Variants in RYR3 observed in about 807,000 individuals in gnomAD.
RYR3 encodes ryanodine receptor 3, also known as brain ryanodine receptor-calcium release channel.
Under a neutral mutation model 584.3 loss-of-function variants are expected in RYR3, and 207 were observed. The observed-to-expected ratio is 0.35, with a 90% confidence interval of 0.32 to 0.40. RYR3 has a LOEUF of 0.40. Ranked by LOEUF, RYR3 falls within the 10% of genes least tolerant of loss-of-function variation. The probability of loss-of-function intolerance (pLI) is 1.00; values close to 1 mark genes in which losing one functional copy is unlikely to be tolerated. For missense variants in RYR3, 5,616 were observed against 6,089.2 expected (o/e 0.92, Z 2.59); for synonymous variants, 2,416 against 2,248.5 (o/e 1.07, Z -2.11).
At chr15:33,565,188 A>G (rs2057641538) in intron 11 of RYR3, among the ~76,000 whole-genome samples, 1 of 152,190 alleles carries the variant, frequency 6.6e-6, no homozygotes, top group Non-Finnish European at 1.5e-5. Flanking sequence ...GCCAGTTTTA[A>G]ATGTGTTATC....
At chr15:33,825,936 G>A (rs545557232) in intron 82 of RYR3, 1 of 494,944 alleles carries the variant, frequency 2.0e-6, no homozygotes, top group East Asian at 3.7e-5. Flanking sequence ...ATTTCATCAT[G>A]TTGGCCAGGC....
intron 65 of RYR3, among the ~76,000 whole-genome samples, 184 bp downstream of exon 65, chr15:33,780,525 T>C (rs1384631524): frequency 6.6e-6 from 1 of 152,174 alleles, no homozygotes; most frequent in Admixed American, 6.5e-5. Context: ...GGGCAAGGCT[T>C]TGTTATAATT....
chr15:33,721,914 T>C (rs2067956624), intron 43 of RYR3, among the ~76,000 whole-genome samples: 1 of 152,218 alleles, frequency 6.6e-6, no homozygotes, highest in African/African-American at 2.4e-5. Flanking sequence ...TCATTATCTA[T>C]GGTTCATCCA....
intron 69 of RYR3, among the ~76,000 whole-genome samples, chr15:33,805,714 T>A (rs2076166357): frequency 6.6e-6 from 1 of 151,782 alleles, no homozygotes; most frequent in Non-Finnish European, 1.5e-5. Context: ...CCTGACGTCA[T>A]GATCCGCCCG....
intron 1 of RYR3, among the ~76,000 whole-genome samples, chr15:33,445,997 A>G (rs1470975429): frequency 2.2e-4 from 34 of 152,190 alleles, no homozygotes; most frequent in Admixed American, 2.2e-3. Flanking sequence ...ATGAACTCTC[A>G]GGAGTGGCTT....
intron 1 of RYR3, among the ~76,000 whole-genome samples, chr15:33,451,659 A>G (rs2047142738): frequency 1.3e-5 from 2 of 152,250 alleles, no homozygotes; most frequent in Non-Finnish European, 2.9e-5. Flanking sequence ...AGTCCAGTGC[A>G]GACAGGAGTC....
chr15:33,774,896 T>C (rs2073885831), intron 64 of RYR3, among the ~76,000 whole-genome samples: 1 of 152,200 alleles, frequency 6.6e-6, no homozygotes, highest in Non-Finnish European at 1.5e-5. Context: ...TTAGTTTATT[T>C]CTCCCACTGA....
chr15:33,865,081 A>T, intron 103 of RYR3, 50 bp from the exon 104 acceptor site: 1 of 1,465,212 alleles, frequency 6.8e-7, no homozygotes, highest in Non-Finnish European at 9.5e-7. Context: ...ACTGGGTTTT[A>T]GCTTTTACTG....
At chr15:33,863,594 C>T (rs570567938) in intron 102 of RYR3, among the ~76,000 whole-genome samples, 2 of 152,298 alleles carry the variant, frequency 1.3e-5, no homozygotes, top group African/African-American at 4.8e-5. Context: ...AAACTCAAAC[C>T]TAAGATATGG....
At chr15:33,857,941 GCCCA>G (rs1567344136) in intron 99 of RYR3, 27 bp downstream of exon 99, 1 of 1,439,808 alleles carries the variant, frequency 6.9e-7, no homozygotes. Context: ...TGCGGGGCCA[GCCCA>G]CCCACTGCGG....
intron 1 of RYR3, among the ~76,000 whole-genome samples, chr15:33,423,365 A>T (rs2044371809): frequency 6.6e-6 from 1 of 152,236 alleles, no homozygotes; most frequent in Non-Finnish European, 1.5e-5. Flanking sequence ...ATAAAATTCA[A>T]TTGTATGTAT....
At chr15:33,611,299 G>A (rs2060173052) in intron 18 of RYR3, among the ~76,000 whole-genome samples, 1 of 152,090 alleles carries the variant, frequency 6.6e-6, no homozygotes, top group South Asian at 2.1e-4. Flanking sequence ...GCTCACGCCT[G>A]TAATCCTAGC....
intron 18 of RYR3, among the ~76,000 whole-genome samples, chr15:33,611,654 T>C (rs917146400): frequency 5.9e-5 from 9 of 152,102 alleles, no homozygotes; most frequent in African/African-American, 1.9e-4. Context: ...TATGGAGTTA[T>C]ATTTTTTCTT....
chr15:33,639,460 C>G (rs1257149998), intron 27 of RYR3, among the ~76,000 whole-genome samples: 1 of 152,206 alleles, frequency 6.6e-6, no homozygotes, highest in Non-Finnish European at 1.5e-5. Context: ...TCTCTCTTCT[C>G]TCTGTGTCAA....
chr15:33,475,276 G>A (rs550692338), intron 2 of RYR3, among the ~76,000 whole-genome samples: 2 of 152,274 alleles, frequency 1.3e-5, no homozygotes, highest in African/African-American at 4.8e-5. Flanking sequence ...TCCTTTTCTA[G>A]TCATCCATCG....
chr15:33,848,278 C>T lies in RYR3; in HGVS notation c.13498-13C>T, dbSNP rs41279232. The stretch of plus-strand genomic sequence containing the variant: ...AAGCCTGCTCTGAGTAACCATCCTC[C>T]TCCCACTCCTAGGTGCCTTTGGTGG... On this transcript the variant is annotated splice_polypyrimidine_tract_variant and intron_variant, in intron 93 of 103. Transcript: ENST00000634891. The T allele has an allele frequency of 0.037, 60,056 of 1,613,020 alleles. 1,479 individuals carry two copies. Among genetic ancestry groups the T allele is most frequent in the Non-Finnish European group, 0.039 (46,329 of 1,179,730 alleles).
At chr15:33,731,897 G>C (rs1384638600) in intron 48 of RYR3, among the ~76,000 whole-genome samples, 1 of 152,140 alleles carries the variant, frequency 6.6e-6, no homozygotes, top group South Asian at 2.1e-4. Flanking sequence ...TTTCCCTTTG[G>C]GGGAAGGGAG....
intron 2 of RYR3, among the ~76,000 whole-genome samples, chr15:33,488,492 G>A (rs1041765919): frequency 6.8e-6 from 1 of 147,100 alleles, no homozygotes; most frequent in African/African-American, 2.5e-5. Flanking sequence ...TCTTTTCTAG[G>A]TGTTGTTTTT....
intron 1 of RYR3, among the ~76,000 whole-genome samples, chr15:33,445,955 ATGT>A (rs1321370290): frequency 2.0e-5 from 3 of 152,188 alleles, no homozygotes; most frequent in Non-Finnish European, 4.4e-5. Flanking sequence ...TTAGTAGGAA[ATGT>A]TGTAGACTTG....
Sources: allele counts gnomAD v4.1 joint callset (sites outside exome capture counted in the v4.1 genomes callset), GRCh38; gene constraint gnomAD v4.1.1; transcripts MANE v1.5; gene names NCBI Gene and HGNC (gene_info 2026-07-23, HGNC 2026-07-21).